CDH12: variants seen among roughly 807,000 people sequenced by gnomAD.
The protein encoded by CDH12 is cadherin 12.
CDH12 carries 41 observed loss-of-function variants against 74.1 expected under a neutral mutation model. That is an observed-to-expected ratio of 0.55 (90% CI 0.43 to 0.72). The LOEUF (loss-of-function observed/expected upper bound fraction) is 0.72, where lower values mean the gene tolerates loss of function less well. Among genes scored for constraint, CDH12 ranks in the 30% least tolerant of loss-of-function variants. The pLI, the probability that CDH12 is intolerant of heterozygous loss-of-function variation, is 0.00. For synonymous variants in CDH12, 399 were observed against 355.0 expected, an observed-to-expected ratio of 1.12 and a Z score of -1.39; for missense variants, 945 against 977.2, an observed-to-expected ratio of 0.97 and a Z score of 0.44.
chr5:22,744,500 A>T (rs1355281667), intron 1 of CDH12, among the ~76,000 whole-genome samples: 1 of 152,156 alleles, frequency 6.6e-6, no homozygotes, highest in African/African-American at 2.4e-5. Flanking sequence ...AATTCATCTC[A>T]TTGATAATGA....
chr5:22,474,040 C>T (rs1026571650), intron 2 of CDH12, among the ~76,000 whole-genome samples: 1 of 152,138 alleles, frequency 6.6e-6, no homozygotes, highest in African/African-American at 2.4e-5. Context: ...AGCTCATCTT[C>T]TTACATAACA....
chr5:21,958,333 A>C (rs1338218365), intron 6 of CDH12, among the ~76,000 whole-genome samples: 1 of 152,086 alleles, frequency 6.6e-6, no homozygotes, highest in Non-Finnish European at 1.5e-5. Flanking sequence ...CTTTTGTTGC[A>C]ATTGCTTTTG....
intron 1 of CDH12, among the ~76,000 whole-genome samples, chr5:22,765,493 A>G (rs1746456500): frequency 6.6e-6 from 1 of 151,974 alleles, no homozygotes; most frequent in Non-Finnish European, 1.5e-5. Context: ...AAGATTTGGA[A>G]GACCTGGAGT....
At chr5:22,287,660 T>G (rs1454267609) in intron 3 of CDH12, among the ~76,000 whole-genome samples, 2 of 149,352 alleles carry the variant, frequency 1.3e-5, no homozygotes, top group Non-Finnish European at 3.0e-5. Context: ...GAGGCGGAGC[T>G]TGCAGTGAGC....
At chr5:21,972,168 A>T (rs554296194) in intron 6 of CDH12, among the ~76,000 whole-genome samples, 5 of 152,230 alleles carry the variant, frequency 3.3e-5, no homozygotes, top group African/African-American at 1.2e-4. Flanking sequence ...TAAACTTCAT[A>T]TCAATGTTCC....
At chr5:21,881,891 C>T (rs1384830300) in intron 6 of CDH12, among the ~76,000 whole-genome samples, 1 of 152,076 alleles carries the variant, frequency 6.6e-6, no homozygotes, top group South Asian at 2.1e-4. Flanking sequence ...AAATCTAGCA[C>T]CATTGTAATT....
At chr5:22,678,892 A>G (rs1016620289) in intron 1 of CDH12, among the ~76,000 whole-genome samples, 5 of 152,064 alleles carry the variant, frequency 3.3e-5, no homozygotes, top group Admixed American at 1.3e-4. Context: ...AGTTTTAGAG[A>G]TCTATATCTT....
At chr5:22,150,929 A>C (rs1432693728) in intron 4 of CDH12, among the ~76,000 whole-genome samples, 1 of 152,226 alleles carries the variant, frequency 6.6e-6, no homozygotes, top group African/African-American at 2.4e-5. Context: ...TCCACAAGGC[A>C]CTATTGTGCA....
chr5:22,366,290 C>CT lies in CDH12; in HGVS notation c.-333+38966dup, dbSNP rs773820304. Among the ~76,000 whole-genome samples, 1,365 of 148,840 alleles carry CT rather than the reference C, an allele frequency of 9.2e-3. 21 individuals carry two copies. Among genetic ancestry groups the CT allele is most frequent in the African/African-American group, 0.032 (1,297 of 40,722 alleles). On this transcript the variant is annotated intron_variant, in intron 3 of 14. Coordinates refer to ENST00000382254, the MANE Select transcript of CDH12 (RefSeq NM_004061.5). ...TTTATCTAGAAAATATTTATTCTTT[C>CT]TTTTTTTTTTAAGTCATGTGAGCTA...
At chr5:22,305,962 C>G (rs1032392171) in intron 3 of CDH12, among the ~76,000 whole-genome samples, 1 of 152,024 alleles carries the variant, frequency 6.6e-6, no homozygotes, top group Admixed American at 6.6e-5. Context: ...TACATAGCAC[C>G]TTCTCCCTGC....
intron 6 of CDH12, among the ~76,000 whole-genome samples, chr5:21,957,834 G>A (rs1756170311): frequency 6.6e-6 from 1 of 152,044 alleles, no homozygotes; most frequent in African/African-American, 2.4e-5. Context: ...CAGACGCATA[G>A]TTTGCAAATA....
At chr5:22,801,662 T>C (rs1748527067) in intron 1 of CDH12, among the ~76,000 whole-genome samples, 1 of 121,132 alleles carries the variant, frequency 8.3e-6, no homozygotes, top group Non-Finnish European at 1.6e-5. Flanking sequence ...TATATATATA[T>C]ATATATATAT....
rs544462616 is a variant in CDH12, at chr5:22,058,627, T to C, written c.231+19819A>G. On this transcript the variant is annotated intron_variant, in intron 5 of 14. Transcript: ENST00000382254. ...TAAATTTCCCTTTCTTTCAGTCTCT[T>C]AAGCACCTTTTTAATGTACAAAGAA... is the stretch of plus-strand genomic sequence containing the variant. Among the ~76,000 whole-genome samples the C allele has an allele frequency of 4.7e-5, 7 of 149,678 alleles. No individual in the cohort carries two copies. In the East Asian group the frequency reaches 1.2e-3, roughly 25 times the overall value.
At chr5:22,073,222 G>T (rs1386392066) in intron 5 of CDH12, among the ~76,000 whole-genome samples, 1 of 152,038 alleles carries the variant, frequency 6.6e-6, no homozygotes, top group African/African-American at 2.4e-5. Flanking sequence ...TGAAACTAGG[G>T]TTTATATATG....
At chr5:22,449,709 C>T (rs773165918) in intron 2 of CDH12, among the ~76,000 whole-genome samples, 8 of 151,848 alleles carry the variant, frequency 5.3e-5, no homozygotes, top group East Asian at 1.9e-4. Flanking sequence ...AATATCAGAA[C>T]GGTTAAATAG....
At position 22,801,346 on chromosome 5, in the gene CDH12, G is replaced by C. The variant is rs1046094196; in HGVS notation, c.-523+51712C>G. 2.0e-5 allele frequency among the ~76,000 whole-genome samples: 3 copies of C among 152,038 alleles called. No homozygotes were observed. In the South Asian group the frequency reaches 6.2e-4, roughly 31 times the overall value. ...AGCCAAAGGTGTTACTAGCAATGCA[G>C]CCTTCATCAGCTAAGCAAAATGCCA... On this transcript the variant is annotated intron_variant, in intron 1 of 14. Transcript: ENST00000382254.
intron 5 of CDH12, among the ~76,000 whole-genome samples, chr5:21,976,602 T>C (rs1348505443): frequency 6.6e-6 from 1 of 151,650 alleles, no homozygotes; most frequent in Non-Finnish European, 1.5e-5. Flanking sequence ...ATGCAGATGT[T>C]GATTTAAATG....
At chr5:22,106,239 C>T (rs1034585971) in intron 4 of CDH12, among the ~76,000 whole-genome samples, 2 of 151,986 alleles carry the variant, frequency 1.3e-5, no homozygotes, top group Non-Finnish European at 2.9e-5. Flanking sequence ...CATGAGTTTA[C>T]CTATGTAACA....
chr5:21,994,027 G>A (rs1481645500), intron 5 of CDH12, among the ~76,000 whole-genome samples: 10 of 150,662 alleles, frequency 6.6e-5, no homozygotes, highest in African/African-American at 2.2e-4. Context: ...CACTATTTCT[G>A]GTTGACACTT....
Sources: allele counts gnomAD v4.1 joint callset (sites outside exome capture counted in the v4.1 genomes callset), GRCh38; gene constraint gnomAD v4.1.1; transcripts MANE v1.5; gene names NCBI Gene and HGNC (gene_info 2026-07-23, HGNC 2026-07-21).